RABEP1: variants seen among roughly 807,000 people sequenced by gnomAD.
The protein encoded by RABEP1 is rabaptin, RAB GTPase binding effector protein 1.
A neutral mutation model predicts 123.4 loss-of-function variants in RABEP1; 51 were observed. The ratio of observed to expected loss-of-function variants is 0.41; its 90% CI spans 0.33 to 0.52. The LOEUF (loss-of-function observed/expected upper bound fraction) is 0.52. RABEP1 is among the 20% of genes least tolerant of loss of function. RABEP1 has a pLI of 0.16. For synonymous variants in RABEP1, 347 were observed against 355.2 expected, an observed-to-expected ratio of 0.98 and a Z score of 0.26; for missense variants, 888 against 996.3, an observed-to-expected ratio of 0.89 and a Z score of 1.46.
chr17:5,282,722 G>T (rs1342921910), intron 1 of RABEP1, among the ~76,000 whole-genome samples: 2 of 148,780 alleles, frequency 1.3e-5, no homozygotes, highest in Non-Finnish European at 3.0e-5. Flanking sequence ...GAGGGGGCGG[G>T]AGGCGCGGGT....
intron 2 of RABEP1, 71 bp downstream of exon 2, chr17:5,308,893 T>G: frequency 7.3e-7 from 1 of 1,368,392 alleles, no homozygotes; most frequent in Non-Finnish European, 9.9e-7. Flanking sequence ...TTGGTAGTAG[T>G]GTTAATTTTA....
chr17:5,289,460 A>G (rs1023067864), intron 1 of RABEP1, among the ~76,000 whole-genome samples: 1 of 109,100 alleles, frequency 9.2e-6, no homozygotes. Context: ...TGGGTTTCTT[A>G]TTTTGCTGAG....
intron 2 of RABEP1, among the ~76,000 whole-genome samples, chr17:5,324,841 TG>T (rs1165543199): frequency 6.6e-6 from 1 of 152,136 alleles, no homozygotes; most frequent in African/African-American, 2.4e-5. Flanking sequence ...AAAACTACAA[TG>T]GGATATCCTG....
rs1040294011 is a variant in RABEP1, at chr17:5,319,917, T to C, written c.163+11095T>C. On this transcript the variant is annotated intron_variant, in intron 2 of 17. Transcript: ENST00000537505. ...TTCAAAAGACCAAATCTAAGAATTGTTGGTCTTCAAGAGGGAGTTGAGCAA... is the reference window on the plus strand; with the variant it reads ...TTCAAAAGACCAAATCTAAGAATTGCTGGTCTTCAAGAGGGAGTTGAGCAA... Among the ~76,000 whole-genome samples the C allele has an allele frequency of 2.1e-4, 32 of 152,114 alleles. 1 individual carries two copies. The highest frequency in any genetic ancestry group is 4.4e-4 in the Non-Finnish European group (30 of 68,032).
intron 8 of RABEP1, among the ~76,000 whole-genome samples, chr17:5,359,013 C>T (rs1909263330): frequency 6.6e-6 from 1 of 152,016 alleles, no homozygotes; most frequent in South Asian, 2.1e-4. Flanking sequence ...CCTCCCACCT[C>T]AGCCTCCCAA....
intron 11 of RABEP1, among the ~76,000 whole-genome samples, chr17:5,367,295 T>A (rs566887823): frequency 1.3e-5 from 2 of 151,500 alleles, no homozygotes; most frequent in Non-Finnish European, 2.9e-5. Flanking sequence ...GTAAAACTTT[T>A]TTGTCTCGCT....
At chr17:5,317,090 C>G (rs2075305785) in intron 2 of RABEP1, among the ~76,000 whole-genome samples, 1 of 151,898 alleles carries the variant, frequency 6.6e-6, no homozygotes, top group African/African-American at 2.4e-5. Context: ...GGAGACACAT[C>G]CCCACTTATT....
intron 1 of RABEP1, among the ~76,000 whole-genome samples, chr17:5,298,800 C>T (rs958552529): frequency 2.6e-5 from 4 of 152,046 alleles, no homozygotes; most frequent in East Asian, 3.9e-4. Context: ...GGACTACAGG[C>T]GTCCGCCACC....
chr17:5,363,244 AG>A (rs1460267807), intron 10 of RABEP1, among the ~76,000 whole-genome samples: 1 of 139,566 alleles, frequency 7.2e-6, no homozygotes, highest in Non-Finnish European at 1.5e-5. Context: ...TTTTTTTGAG[AG>A]GGGGTCTCGC....
At chr17:5,380,635 G>T in intron 16 of RABEP1, 173 bp downstream of exon 16, 1 of 651,274 alleles carries the variant, frequency 1.5e-6, no homozygotes, top group Non-Finnish European at 2.8e-6. Flanking sequence ...ATTCCAGCTG[G>T]GTTAAATCTT....
chr17:5,307,151 C>T (rs1421323021), intron 1 of RABEP1, among the ~76,000 whole-genome samples: 5 of 152,124 alleles, frequency 3.3e-5, no homozygotes, highest in African/African-American at 9.7e-5. Flanking sequence ...AACCCCGTCT[C>T]TACTAAAAAT....
chr17:5,362,188 T>G (rs1909609813), intron 9 of RABEP1: 1 of 161,798 alleles, frequency 6.2e-6, no homozygotes, highest in Non-Finnish European at 1.4e-5. Flanking sequence ...AATTCACAGG[T>G]AAGATTAGGA....
In RABEP1 at chr17:5,323,759, AATATATATATATATCTAGGAATAT is replaced by A. The variant is rs1567522068; in HGVS notation, c.164-8179_164-8156del. Among the ~76,000 whole-genome samples, 6 of 66,014 alleles carry A rather than the reference AATATATATATATATCTAGGAATAT, an allele frequency of 9.1e-5. 1 individual carries two copies. Among genetic ancestry groups the A allele is most frequent in the African/African-American group, 1.9e-4 (3 of 15,850 alleles). The allele number at this position is 66,014 out of a possible 152,430, so 43.3% of individuals were successfully genotyped here. ...ATCTAGGAATATATATATATCTAGG[AATATATATATATATCTAGGAATAT>A]ATATATATATCTAGGAATATATATA... On this transcript the variant is annotated intron_variant, in intron 2 of 17. Transcript: ENST00000537505.
intron 1 of RABEP1, among the ~76,000 whole-genome samples, chr17:5,286,300 C>T (rs2074977099): frequency 6.6e-6 from 1 of 152,182 alleles, no homozygotes; most frequent in South Asian, 2.1e-4. Context: ...TCAAGACCAG[C>T]CTGGCCAATA....
At chr17:5,324,779 G>A (rs930607109) in intron 2 of RABEP1, among the ~76,000 whole-genome samples, 1 of 152,180 alleles carries the variant, frequency 6.6e-6, no homozygotes, top group Admixed American at 6.5e-5. Context: ...AAATGGCCAA[G>A]AGGTATGTGA....
intron 11 of RABEP1, among the ~76,000 whole-genome samples, chr17:5,366,660 G>C (rs1201594157): frequency 6.6e-6 from 1 of 151,848 alleles, no homozygotes; most frequent in Admixed American, 6.6e-5. Context: ...TGGCCAGGCT[G>C]GTCCTGAACT....
At chr17:5,298,152 C>A (rs1163250918) in intron 1 of RABEP1, among the ~76,000 whole-genome samples, 3 of 152,126 alleles carry the variant, frequency 2.0e-5, no homozygotes, top group Non-Finnish European at 4.4e-5. Context: ...TAAAATATAA[C>A]CCTGTGTTTT....
intron 10 of RABEP1, among the ~76,000 whole-genome samples, chr17:5,363,758 C>A (rs770927255): frequency 2.0e-4 from 31 of 152,130 alleles, no homozygotes; most frequent in Non-Finnish European, 4.3e-4. Flanking sequence ...TTACTCATTT[C>A]TTGTCATAAA....
At chr17:5,370,353 A>G (rs1287896693) in intron 12 of RABEP1, among the ~76,000 whole-genome samples, 1 of 152,358 alleles carries the variant, frequency 6.6e-6, no homozygotes, top group Non-Finnish European at 1.5e-5. Context: ...CTGCATCGCT[A>G]CAGTACTGTT....
Sources: allele counts gnomAD v4.1 joint callset (sites outside exome capture counted in the v4.1 genomes callset), GRCh38; gene constraint gnomAD v4.1.1; transcripts MANE v1.5; gene names NCBI Gene and HGNC (gene_info 2026-07-23, HGNC 2026-07-21).